SLC9A9: variants seen among roughly 807,000 people sequenced by gnomAD.
The protein encoded by SLC9A9 is solute carrier family 9 member A9, also known as sodium/hydrogen exchanger 9.
SLC9A9 carries 62 observed loss-of-function variants against 77.8 expected under a neutral mutation model. The ratio of observed to expected loss-of-function variants is 0.80; its 90% CI spans 0.65 to 0.98. The LOEUF is 0.98. Ranked by LOEUF, SLC9A9 falls within the 50% of genes least tolerant of loss-of-function variation. The pLI is 0.00. For missense variants in SLC9A9, 775 were observed against 774.9 expected, an observed-to-expected ratio of 1.00 and a Z score of 0.00; for synonymous variants, 320 against 283.5, an observed-to-expected ratio of 1.13 and a Z score of -1.29.
At chr3:143,402,910 T>C (rs1298624985) in intron 12 of SLC9A9, among the ~76,000 whole-genome samples, 1 of 125,158 alleles carries the variant, frequency 8.0e-6, no homozygotes, top group Admixed American at 8.0e-5. Flanking sequence ...TTTTAAAAAA[T>C]CATATTTTTT....
At chr3:143,779,782 C>T (rs1381044396) in intron 4 of SLC9A9, among the ~76,000 whole-genome samples, 1 of 152,190 alleles carries the variant, frequency 6.6e-6, no homozygotes, top group African/African-American at 2.4e-5. Context: ...GTGAAGAGGG[C>T]AAAGAACTAT....
At chr3:143,711,905 A>C (rs989227697) in intron 4 of SLC9A9, among the ~76,000 whole-genome samples, 1 of 152,218 alleles carries the variant, frequency 6.6e-6, no homozygotes, top group Non-Finnish European at 1.5e-5. Context: ...GGCTAGAGCT[A>C]CATGGGGCTA....
intron 6 of SLC9A9, among the ~76,000 whole-genome samples, chr3:143,622,121 G>T (rs914124552): frequency 6.6e-6 from 1 of 152,230 alleles, no homozygotes; most frequent in African/African-American, 2.4e-5. Flanking sequence ...TATGTGAAAA[G>T]ACCAAATCTA....
intron 6 of SLC9A9, among the ~76,000 whole-genome samples, chr3:143,648,243 C>G (rs2038735463): frequency 6.6e-6 from 1 of 152,120 alleles, no homozygotes; most frequent in Non-Finnish European, 1.5e-5. Flanking sequence ...CTGTAGTGGT[C>G]ATCTAGGTCA....
intron 4 of SLC9A9, among the ~76,000 whole-genome samples, chr3:143,704,306 T>C (rs1933892360): frequency 6.6e-6 from 1 of 152,178 alleles, no homozygotes; most frequent in African/African-American, 2.4e-5. Context: ...CTGATAAATA[T>C]TGATGCAAAT....
intron 12 of SLC9A9, among the ~76,000 whole-genome samples, chr3:143,405,368 C>G (rs1055142347): frequency 6.6e-6 from 1 of 152,130 alleles, no homozygotes; most frequent in African/African-American, 2.4e-5. Flanking sequence ...TAATATCTAC[C>G]CTACAAGCAA....
At chr3:143,578,755 T>A (rs1263294979) in intron 6 of SLC9A9, 32 bp from the exon 7 acceptor site, 1 of 1,613,444 alleles carries the variant, frequency 6.2e-7, no homozygotes, top group Admixed American at 1.7e-5. Context: ...GGTTAGTTAG[T>A]GACTTTCATC....
intron 6 of SLC9A9, among the ~76,000 whole-genome samples, chr3:143,648,459 G>A: frequency 6.6e-6 from 1 of 152,186 alleles, no homozygotes; most frequent in East Asian, 1.9e-4. Flanking sequence ...TGATCTCACA[G>A]AGGCGGAGCT....
intron 4 of SLC9A9, among the ~76,000 whole-genome samples, chr3:143,735,480 G>T (rs1430018504): frequency 2.0e-5 from 3 of 152,086 alleles, no homozygotes; most frequent in African/African-American, 7.2e-5. Context: ...TTCATGGTCT[G>T]CCCAACAAAG....
chr3:143,611,709 T>C (rs964620796), intron 6 of SLC9A9, among the ~76,000 whole-genome samples: 1 of 152,144 alleles, frequency 6.6e-6, no homozygotes, highest in African/African-American at 2.4e-5. Context: ...AATAATGTTA[T>C]ACAAAGTAAC....
chr3:143,425,112 A>G (rs2034378550), intron 12 of SLC9A9, among the ~76,000 whole-genome samples: 1 of 152,232 alleles, frequency 6.6e-6, no homozygotes, highest in Middle Eastern at 3.2e-3. Context: ...GGTATACTTC[A>G]GCTAAAAACA....
rs565521308 is a variant in SLC9A9 at position 143,539,814 on chromosome 3, A to G, written c.1089+12548T>C. Reference sequence around the variant, plus strand: ...AGATCCATACATAGAAGGACATGAAATTTATATGTTGATATCCAAGCTTTG... The same window carrying G: ...AGATCCATACATAGAAGGACATGAAGTTTATATGTTGATATCCAAGCTTTG... On this transcript the variant is annotated intron_variant, in intron 9 of 15. Coordinates refer to ENST00000316549, the MANE Select transcript of SLC9A9 (RefSeq NM_173653.4). 7.2e-5 allele frequency among the ~76,000 whole-genome samples: 11 copies of G among 152,272 alleles called. No homozygotes were observed. The East Asian group carries it at 1.9e-3, about 27-fold the overall frequency.
chr3:143,546,776 T>C (rs1182500377), intron 9 of SLC9A9, among the ~76,000 whole-genome samples: 2 of 152,210 alleles, frequency 1.3e-5, no homozygotes, highest in Non-Finnish European at 2.9e-5. Flanking sequence ...CTCCTTAACA[T>C]AAACAAGCAC....
At chr3:143,425,659 G>A (rs565577756) in intron 12 of SLC9A9, among the ~76,000 whole-genome samples, 116 of 152,244 alleles carry the variant, frequency 7.6e-4, no homozygotes, top group African/African-American at 2.6e-3. Context: ...CCTTTTTGAT[G>A]CACACTTTTC....
At chr3:143,639,197 C>T (rs2038580388) in intron 6 of SLC9A9, among the ~76,000 whole-genome samples, 1 of 152,206 alleles carries the variant, frequency 6.6e-6, no homozygotes, top group African/African-American at 2.4e-5. Flanking sequence ...AAGTGAGAGC[C>T]ATAGCTTCCT....
Position 143,514,035 on chromosome 3 carries a change from C to T in SLC9A9, c.1090-18587G>A, listed in dbSNP as rs186084154. Among the ~76,000 whole-genome samples the T allele has an allele frequency of 4.2e-3, 634 of 152,138 alleles. 3 individuals carry two copies. The highest frequency in any genetic ancestry group is 0.014 in the African/African-American group (568 of 41,510). On this transcript the variant is annotated intron_variant, in intron 9 of 15. Coordinates refer to ENST00000316549, the MANE Select transcript of SLC9A9 (RefSeq NM_173653.4). ...GACAGGCCTCGGTGTGTGATGTTCCCCTTCCTGTGTCCAAGTGATCTCATT... is the reference window on the plus strand; with the variant it reads ...GACAGGCCTCGGTGTGTGATGTTCCTCTTCCTGTGTCCAAGTGATCTCATT...
At chr3:143,408,221 A>G (rs1525012) in intron 12 of SLC9A9, among the ~76,000 whole-genome samples, 73,667 of 152,000 alleles carry the variant, frequency 0.48, 18,251 homozygotes, top group African/African-American at 0.6. Context: ...GATGTGATTC[A>G]GTCCATAGCA....
intron 4 of SLC9A9, among the ~76,000 whole-genome samples, chr3:143,733,486 T>C (rs574717554): frequency 1.3e-5 from 2 of 152,108 alleles, no homozygotes; most frequent in African/African-American, 4.8e-5. Context: ...ACAGGACTAA[T>C]GAATTGTTTT....
intron 2 of SLC9A9, among the ~76,000 whole-genome samples, chr3:143,807,032 C>T (rs187474959): frequency 9.9e-5 from 15 of 152,186 alleles, no homozygotes; most frequent in East Asian, 9.6e-4. Context: ...ACTGGCTCTC[C>T]GAGGAAGTGA....
Sources: allele counts gnomAD v4.1 joint callset (sites outside exome capture counted in the v4.1 genomes callset), GRCh38; gene constraint gnomAD v4.1.1; transcripts MANE v1.5; gene names NCBI Gene and HGNC (gene_info 2026-07-23, HGNC 2026-07-21).